TMEM132C: variants seen among roughly 807,000 people sequenced by gnomAD.
TMEM132C encodes protein phosphatase 1, regulatory subunit 152.
TMEM132C carries 29 observed loss-of-function variants against 61.4 expected under a neutral mutation model. The ratio of observed to expected loss-of-function variants is 0.47; its 90% CI spans 0.35 to 0.64. The LOEUF is 0.64. Among genes scored for constraint, TMEM132C ranks in the 30% least tolerant of loss-of-function variants. The probability of loss-of-function intolerance (pLI) is 0.00; values close to 1 mark genes in which losing one functional copy is unlikely to be tolerated. For missense variants in TMEM132C, 1,408 were observed against 1,476.9 expected (o/e 0.95, Z 0.76); for synonymous variants, 656 against 633.1 (o/e 1.04, Z -0.54).
chr12:128,471,474 G>A (rs1043510193), intron 2 of TMEM132C, among the ~76,000 whole-genome samples: 1 of 152,196 alleles, frequency 6.6e-6, no homozygotes, highest in African/African-American at 2.4e-5. Context: ...GAAGGAGGTT[G>A]TCAAGCTCTG....
At chr12:128,483,983 G>A (rs1871400870) in intron 2 of TMEM132C, among the ~76,000 whole-genome samples, 1 of 152,026 alleles carries the variant, frequency 6.6e-6, no homozygotes, top group Admixed American at 6.6e-5. Context: ...GTATCTAAAC[G>A]GTAAAAATAC....
intron 5 of TMEM132C, among the ~76,000 whole-genome samples, chr12:128,671,017 C>T (rs1371308612): frequency 6.6e-6 from 1 of 152,036 alleles, no homozygotes; most frequent in African/African-American, 2.4e-5. Context: ...GTGGGTTGGC[C>T]GATGGGGTAA....
intron 8 of TMEM132C, among the ~76,000 whole-genome samples, chr12:128,704,425 G>A (rs1461574820): frequency 6.6e-6 from 1 of 152,140 alleles, no homozygotes; most frequent in Non-Finnish European, 1.5e-5. Flanking sequence ...GGGCCCACCA[G>A]CCAATGCCAT....
chr12:128,456,796 C>A (rs1241036348), intron 2 of TMEM132C, among the ~76,000 whole-genome samples: 1 of 152,182 alleles, frequency 6.6e-6, no homozygotes, highest in Non-Finnish European at 1.5e-5. Flanking sequence ...TAAATCCCTC[C>A]ATGTTCCCTG....
chr12:128,335,759 A>G (rs1216491070), intron 1 of TMEM132C, among the ~76,000 whole-genome samples: 1 of 152,196 alleles, frequency 6.6e-6, no homozygotes, highest in Non-Finnish European at 1.5e-5. Context: ...TCCCCATTCC[A>G]CAGATGAGAG....
At chr12:128,427,595 C>A (rs1356785465) in intron 2 of TMEM132C, among the ~76,000 whole-genome samples, 2 of 152,050 alleles carry the variant, frequency 1.3e-5, no homozygotes, top group Non-Finnish European at 2.9e-5. Flanking sequence ...TCCCCTTCCC[C>A]ACTTTCCTCC....
chr12:128,279,421 G>A (rs1870809093), intron 1 of TMEM132C, among the ~76,000 whole-genome samples: 1 of 152,128 alleles, frequency 6.6e-6, no homozygotes, highest in Non-Finnish European at 1.5e-5. Context: ...CTTGACTAGT[G>A]GTCAGATCAT....
rs1012511257 is a variant in TMEM132C, at chr12:128,669,560, A to G, written c.1449A>G (p.Lys483=). 1 of 1,551,254 alleles carries G rather than the reference A, an allele frequency of 6.4e-7. No individual in the cohort carries two copies. Among genetic ancestry groups the G allele is most frequent in the Non-Finnish European group, 8.7e-7 (1 of 1,146,806 alleles). ...AGTCCACAGACGAGGACGTTATCAA[A>G]GTAAGTCATTCCACAGCCAGCTGGA... ...ECKSTDEDVI[K]VSERCDYIFV... Residue 483 remains lysine (K), a splice_region_variant and synonymous_variant, in exon 5 of 9, where the codon AAA becomes AAG. Transcript: ENST00000435159.
At position 128,361,664 on chromosome 12, in the gene TMEM132C, A is replaced by AT. The variant is rs5801793; in HGVS notation, c.86-53054dup. ...TTTCTCCAAACTCCTCTTTCTTTTGATTTTTTTTTTTTTTAATACTGCTGT... is the reference window on the plus strand; with the variant it reads ...TTTCTCCAAACTCCTCTTTCTTTTGATTTTTTTTTTTTTTTAATACTGCTGT... On this transcript the variant is annotated intron_variant, in intron 1 of 8. Coordinates refer to ENST00000435159, the MANE Select transcript of TMEM132C (RefSeq NM_001136103.3). Among the ~76,000 whole-genome samples the AT allele has an allele frequency of 5.1e-4, 75 of 148,302 alleles. No individual in the cohort carries two copies. The East Asian group carries it at 6.1e-3, about 12-fold the overall frequency.
intron 1 of TMEM132C, among the ~76,000 whole-genome samples, chr12:128,408,989 G>T (rs1032793545): frequency 1.3e-5 from 2 of 152,130 alleles, no homozygotes; most frequent in Non-Finnish European, 2.9e-5. Flanking sequence ...GGGAAGGCTG[G>T]AAAGAAGGAG....
chr12:128,557,994 G>A (rs560575278), intron 3 of TMEM132C, among the ~76,000 whole-genome samples: 17 of 152,328 alleles, frequency 1.1e-4, no homozygotes, highest in East Asian at 5.8e-4. Flanking sequence ...TGGAAGTCGC[G>A]CGGTTTCGCG....
At chr12:128,284,216 A>G (rs1261048676) in intron 1 of TMEM132C, among the ~76,000 whole-genome samples, 1 of 152,092 alleles carries the variant, frequency 6.6e-6, no homozygotes, top group East Asian at 1.9e-4. Flanking sequence ...TCTATATCCT[A>G]TTGGTTCTGT....
intron 1 of TMEM132C, among the ~76,000 whole-genome samples, chr12:128,349,880 G>C (rs1873283021): frequency 6.6e-6 from 1 of 151,398 alleles, no homozygotes; most frequent in South Asian, 2.1e-4. Flanking sequence ...CTCCTCCAGA[G>C]TGCCTCTGGC....
chr12:128,540,028 AT>A (rs1249494784), intron 2 of TMEM132C, among the ~76,000 whole-genome samples: 1 of 151,636 alleles, frequency 6.6e-6, no homozygotes, highest in Non-Finnish European at 1.5e-5. Flanking sequence ...CATCCTCTTA[AT>A]TTTTTTCTCC....
intron 6 of TMEM132C, among the ~76,000 whole-genome samples, chr12:128,695,283 G>T (rs1954750914): frequency 6.6e-6 from 1 of 152,154 alleles, no homozygotes; most frequent in Non-Finnish European, 1.5e-5. Context: ...ACTTTGGGAG[G>T]CCAAGGTGGG....
At position 128,707,413 on chromosome 12, in the gene TMEM132C, T is replaced by C. The variant is rs1954851767; in HGVS notation, c.*1118T>C. 1 of 152,226 alleles carries C rather than the reference T, an allele frequency of 6.6e-6. No individual in the cohort carries two copies. The highest frequency in any genetic ancestry group is 6.5e-5 in the Admixed American group (1 of 15,280). 9.4% of individuals were successfully genotyped at this position (152,226 alleles called of 1,614,324 possible). A position where few individuals can be genotyped will look rare whatever the true frequency, so the allele number is the denominator to read the frequency against. Reference sequence around the variant, plus strand: ...GCTGAACATGAACAAAGATAAAAACTGTTTGGAGGGTTTTTGAGTTGTTTT... The same window carrying C: ...GCTGAACATGAACAAAGATAAAAACCGTTTGGAGGGTTTTTGAGTTGTTTT... On this transcript the variant is annotated 3_prime_UTR_variant, in exon 9 of 9. Transcript: ENST00000435159.
rs1440917656 is a variant in TMEM132C at position 128,447,917 on chromosome 12, G to A, written c.974+32297G>A. On this transcript the variant is annotated intron_variant, in intron 2 of 8. Transcript: ENST00000435159. The stretch of plus-strand genomic sequence containing the variant: ...AATTTTTTGTATTTTTAGTAGAGAC[G>A]GGGTTTCACCTTGTTAGCCAGGATG... 8.3e-5 allele frequency among the ~76,000 whole-genome samples: 8 copies of A among 96,508 alleles called. 2 individuals carry two copies. Among genetic ancestry groups the A allele is most frequent in the Admixed American group, 2.0e-4 (2 of 9,818 alleles). The allele number at this position is 96,508 out of a possible 152,430, so 63.3% of individuals were successfully genotyped here.
chr12:128,551,574 C>T (rs985353438), intron 3 of TMEM132C, among the ~76,000 whole-genome samples: 1 of 152,194 alleles, frequency 6.6e-6, no homozygotes, highest in Admixed American at 6.5e-5. Flanking sequence ...TAGCATGCTG[C>T]CCAGGTCCTT....
intron 2 of TMEM132C, among the ~76,000 whole-genome samples, chr12:128,485,766 G>A (rs765512059): frequency 7.2e-5 from 11 of 152,178 alleles, no homozygotes; most frequent in African/African-American, 1.9e-4. Flanking sequence ...AAGATGATGC[G>A]TTAAGCGGAT....
Sources: gnomAD v4.1 joint callset for allele counts (sites outside exome capture counted in the v4.1 genomes callset) on GRCh38, gnomAD v4.1.1 for gene constraint, MANE v1.5 for transcripts, NCBI Gene and HGNC (gene_info 2026-07-23, HGNC 2026-07-21) for gene names.